The following PRPS1 variants were observed in gnomAD, a reference collection of about 807,000 sequenced individuals.
The protein encoded by PRPS1 is ribose-phosphate pyrophosphokinase 1.
In PRPS1, 1 loss-of-function variant was observed where a neutral mutation model predicts 16.9. The ratio of observed to expected loss-of-function variants is 0.06; its 90% CI spans 0.02 to 0.28. PRPS1 has a LOEUF of 0.28. Among genes scored for constraint, PRPS1 ranks in the 10% least tolerant of loss-of-function variants. PRPS1 has a pLI of 1.00. For missense variants in PRPS1, 47 were observed against 254.0 expected (o/e 0.19, Z 5.54); for synonymous variants, 70 against 90.2 (o/e 0.78, Z 1.27).
chrX:107,642,522 A>G, intron 4 of PRPS1, 32 bp downstream of exon 4: 1 of 1,209,631 alleles, frequency 8.3e-7, no homozygotes, highest in African/African-American at 1.7e-5. Context: ...TTCCCAATGT[A>G]CTGGGAAAAT....
chrX:107,632,779 A>C (rs1442694801), intron 1 of PRPS1, among the ~76,000 whole-genome samples: 2 of 112,715 alleles, frequency 1.8e-5, no homozygotes, highest in African/African-American at 6.4e-5. Context: ...GAATAAGGTT[A>C]AGATTTTTAG....
At chrX:107,638,153 A>G (rs936264583) in intron 1 of PRPS1, among the ~76,000 whole-genome samples, 1 of 109,179 alleles carries the variant, frequency 9.2e-6, no homozygotes, top group African/African-American at 3.3e-5. Context: ...TCTGTTGCCC[A>G]GGCTGGAGCG....
At chrX:107,637,362 C>T (rs1192811435) in intron 1 of PRPS1, among the ~76,000 whole-genome samples, 1 of 111,477 alleles carries the variant, frequency 9.0e-6, no homozygotes, top group Admixed American at 9.6e-5. Flanking sequence ...AGCATATGAA[C>T]ATTTAATATT....
In PRPS1 at chrX:107,650,033, T is replaced by TA; in HGVS notation, c.*2dup. 8.3e-7 allele frequency: 1 copy of TA among 1,211,883 alleles called. No homozygotes were observed. The highest frequency in any genetic ancestry group is 1.1e-6 in the Non-Finnish European group (1 of 895,507). On this transcript the variant is annotated 3_prime_UTR_variant, in exon 7 of 7. Transcript: ENST00000372435. ...CCTATTCAGCCATGTCCCTTTATAA[T>TA]AGAGTAACTTCTGAGGCTTTTTGAG...
At chrX:107,641,175 T>G in intron 3 of PRPS1, 175 bp downstream of exon 3, 1 of 1,144,781 alleles carries the variant, frequency 8.7e-7, no homozygotes, top group Non-Finnish European at 1.2e-6. Flanking sequence ...TCATTTCAGG[T>G]GGTTAGATAG....
rs1270385030 is a variant in PRPS1 at position 107,650,550 on chromosome X, G to A, written c.*518G>A. The A allele has an allele frequency of 1.5e-5, 2 of 131,989 alleles. No individual in the cohort carries two copies. Among genetic ancestry groups the A allele is most frequent in the Non-Finnish European group, 2.8e-5 (2 of 70,691 alleles). The allele number at this position is 131,989 out of a possible 1,213,427, so 10.9% of individuals were successfully genotyped here. On this transcript the variant is annotated 3_prime_UTR_variant, in exon 7 of 7. Transcript: ENST00000372435. ...AGCTCAGCTTGAGCAGACATTGGGT[G>A]GGGGGTGGGGGGTGGTTGAGGGGGG...
intron 4 of PRPS1, among the ~76,000 whole-genome samples, chrX:107,642,887 C>A (rs1250823059): frequency 8.9e-6 from 1 of 111,979 alleles, no homozygotes; most frequent in Non-Finnish European, 1.9e-5. Context: ...TTGGTTAGAT[C>A]ATTTTGATCC....
At chrX:107,630,215 C>T (rs1260155296) in intron 1 of PRPS1, 3 of 112,607 alleles carry the variant, frequency 2.7e-5, no homozygotes, top group African/African-American at 9.7e-5. Context: ...GAATACAAAA[C>T]AGGACTAGAC....
intron 2 of PRPS1, among the ~76,000 whole-genome samples, chrX:107,640,478 G>A (rs1486195507): frequency 8.9e-6 from 1 of 112,201 alleles, no homozygotes; most frequent in South Asian, 3.6e-4. Context: ...GATTTACAAA[G>A]GAAACTATAA....
chrX:107,628,533 C>T lies in PRPS1; in HGVS notation c.-96C>T. 1 of 1,195,785 alleles carries T rather than the reference C, an allele frequency of 8.4e-7. No individual in the cohort carries two copies. The highest frequency in any genetic ancestry group is 1.1e-6 in the Non-Finnish European group (1 of 883,295). The stretch of plus-strand genomic sequence containing the variant: ...GGAATGTAAGATGGCGGAGTAGCAA[C>T]GCAAAGCGCTTGGTATTGAGTCTGT... On this transcript the variant is annotated 5_prime_UTR_variant, in exon 1 of 7. In the 5' UTR this introduces an upstream ATG that the reference lacks. Transcript: ENST00000372435.
intron 4 of PRPS1, among the ~76,000 whole-genome samples, chrX:107,643,778 G>C (rs138324327): frequency 2.7e-5 from 3 of 111,901 alleles, no homozygotes; most frequent in Admixed American, 9.5e-5. Flanking sequence ...CATTCCAAGC[G>C]AATTGGTTAC....
intron 1 of PRPS1, among the ~76,000 whole-genome samples, chrX:107,634,832 TTTG>T (rs1245380214): frequency 7.2e-5 from 7 of 97,476 alleles, no homozygotes; most frequent in African/African-American, 3.2e-4. Context: ...GATAAAGTTT[TTTG>T]TTTTTTTTTT....
At chrX:107,636,226 G>T (rs1431071777) in intron 1 of PRPS1, among the ~76,000 whole-genome samples, 1 of 110,055 alleles carries the variant, frequency 9.1e-6, no homozygotes, top group African/African-American at 3.3e-5. Flanking sequence ...AGGTTCAAGC[G>T]ATTCTCCTGC....
chrX:107,645,133 G>A, intron 4 of PRPS1, 44 bp from the exon 5 acceptor site: 2 of 1,203,485 alleles, frequency 1.7e-6, no homozygotes, highest in East Asian at 3.0e-5. Context: ...CATTTCTTTT[G>A]TCTTAGAAGC....
chrX:107,629,157 C>G (rs1228290772), intron 1 of PRPS1, among the ~76,000 whole-genome samples: 2 of 111,491 alleles, frequency 1.8e-5, no homozygotes, highest in African/African-American at 6.5e-5. Context: ...TTTAGAGAGC[C>G]TACCTGCGTA....
At position 107,637,950 on chromosome X, in the gene PRPS1, ATT is replaced by A. The variant is rs1556299283; in HGVS notation, c.123-1339_123-1338del. ...TATAAATATATATATATATATATAT[ATT>A]TTTTTGATATGGAGTCTTGCTCTGT... On this transcript the variant is annotated intron_variant, in intron 1 of 6. Transcript: ENST00000372435. Among the ~76,000 whole-genome samples, 206 of 98,333 alleles carry A rather than the reference ATT, an allele frequency of 2.1e-3. 1 individual carries two copies. The highest frequency in any genetic ancestry group is 7.0e-3 in the African/African-American group (185 of 26,277). 85.4% of individuals were successfully genotyped at this position (98,333 alleles called of 115,157 possible).
intron 1 of PRPS1, among the ~76,000 whole-genome samples, chrX:107,638,535 C>T (rs781229093): frequency 6.3e-5 from 7 of 111,787 alleles, no homozygotes; most frequent in Admixed American, 1.9e-4. Context: ...TGAGCCATCA[C>T]GCCCGGCCAT....
At chrX:107,631,834 G>A (rs1295928625) in intron 1 of PRPS1, among the ~76,000 whole-genome samples, 2 of 111,683 alleles carry the variant, frequency 1.8e-5, no homozygotes, top group South Asian at 3.7e-4. Context: ...TTACAGGCAC[G>A]TGCCACCACG....
rs780394440 is a variant in PRPS1 at position 107,639,986 on chromosome X, C to A, written c.306+508C>A. Among the ~76,000 whole-genome samples the A allele has an allele frequency of 4.3e-4, 48 of 112,647 alleles. 1 individual carries two copies. The highest frequency in any genetic ancestry group is 6.2e-4 in the Non-Finnish European group (33 of 53,287). On this transcript the variant is annotated intron_variant, in intron 2 of 6. Coordinates refer to ENST00000372435, the MANE Select transcript of PRPS1 (RefSeq NM_002764.4). ...TTGCAAGTCTATTGTAATTAATGCC[C>A]AATTTTACACACAATGCCTCGAAGA...
Sources: allele counts gnomAD v4.1 joint callset (sites outside exome capture counted in the v4.1 genomes callset), GRCh38; gene constraint gnomAD v4.1.1; transcripts MANE v1.5; gene names NCBI Gene and HGNC (gene_info 2026-07-23, HGNC 2026-07-21).